TTN: variants seen among roughly 807,000 people sequenced by gnomAD.
TTN encodes titin.
A neutral mutation model predicts 3,223.0 loss-of-function variants in TTN; 1,525 were observed. The ratio of observed to expected loss-of-function variants is 0.47; its 90% CI spans 0.45 to 0.49. The LOEUF (loss-of-function observed/expected upper bound fraction) is 0.49, where lower values mean the gene tolerates loss of function less well. Among genes scored for constraint, TTN ranks in the 20% least tolerant of loss-of-function variants. The pLI, the probability that TTN is intolerant of heterozygous loss-of-function variation, is 0.00. For synonymous variants in TTN, 14,094 were observed against 15,161.0 expected (o/e 0.93, Z 5.17); for missense variants, 40,786 against 43,424.0 (o/e 0.94, Z 5.40).
At position 178,634,403 on chromosome 2, in the gene TTN, C is replaced by T. The variant is rs757988858; in HGVS notation, c.42378G>A (p.Val14126=). The T allele has an allele frequency of 1.9e-6, 3 of 1,610,906 alleles. No individual in the cohort carries two copies. Among genetic ancestry groups the T allele is most frequent in the Admixed American group, 3.4e-5 (2 of 59,378 alleles). Residue 14126 remains valine (V), a synonymous_variant, in exon 230 of 363, where the codon GTG becomes GTA. Transcript: ENST00000589042. This position sits in a 1 kb window ranked among gnomAD's most constrained non-coding sequence, Gnocchi z 4.6. ...ACCGAGCTGAGGTCTTCTTGCCCTC[C>T]ACCTCAGCAGTATAGACCCCTTCAT... is the stretch of plus-strand genomic sequence containing the variant. ...FDDEGVYTAE[V]EGKKTSARLF... is the part of the protein sequence containing the mutation.
At position 178,738,149 on chromosome 2, in the gene TTN, G is replaced by A. The variant is rs1287135223; in HGVS notation, c.14304C>T (p.Gly4768=). The change falls in exon 49 of 363, where the codon GGC becomes GGT. Residue 4768 remains glycine (G), a synonymous_variant. Transcript: ENST00000589042. ...CATTGGAAGCTTTGCATGTATACTC[G>A]CCGCAGTCAACCACCTGGGTTCTCA... ...EILRTQVVDC[G]EYTCKASNEY... 9 of 1,613,642 alleles carry A rather than the reference G, an allele frequency of 5.6e-6. No individual in the cohort carries two copies. The highest frequency in any genetic ancestry group is 1.3e-5 in the African/African-American group (1 of 74,898).
rs1227565945 is a variant in TTN at position 178,590,614 on chromosome 2, G to T, written c.61111C>A (p.Pro20371Thr). ...TTAGGATTAATAGGTGGTCCAGGTG[G>T]TTTGATGGGCCGGCAAGCTTTTATT... ...DPIKACRPIK[P>T]PGPPINPKLK... The change falls in exon 304 of 363, where the codon CCA (proline) becomes ACA (threonine). Residue 20371 changes from proline to threonine, a missense_variant. Coordinates refer to ENST00000589042, the MANE Select transcript of TTN (RefSeq NM_001267550.2). 1 of 1,612,892 alleles carries T rather than the reference G, an allele frequency of 6.2e-7. No individual in the cohort carries two copies. The highest frequency in any genetic ancestry group is 2.2e-5 in the East Asian group (1 of 44,764).
chr2:178,649,473 A>G, intron 212 of TTN, 81 bp downstream of exon 212: 1 of 1,434,580 alleles, frequency 7.0e-7, no homozygotes, highest in Non-Finnish European at 9.4e-7. Flanking sequence ...TTATGCAACA[A>G]CAATGAGGAC....
Position 178,604,149 on chromosome 2 carries a change from T to C in TTN, c.54538A>G (p.Lys18180Glu). Reference sequence around the variant, plus strand: ...GTCCAGCTCACTAGCATTGATCCTTTGGTGCGTGCCAAAACTTTTGGTTTT... The same window carrying C: ...GTCCAGCTCACTAGCATTGATCCTTCGGTGCGTGCCAAAACTTTTGGTTTT... Reference protein sequence around the residue: ...PGKPKVLARTKGSMLVSWTPP... With the variant: ...PGKPKVLARTEGSMLVSWTPP... The change falls in exon 282 of 363, where the codon AAA (lysine) becomes GAA (glutamate). Residue 18180 changes from lysine (K) to glutamate (E), a missense_variant. By Grantham distance (56) the Lys-to-Glu change is moderately conservative. Transcript: ENST00000589042. 1 of 1,612,398 alleles carries C rather than the reference T, an allele frequency of 6.2e-7. No individual in the cohort carries two copies. The highest frequency in any genetic ancestry group is 8.5e-7 in the Non-Finnish European group (1 of 1,178,964).
chr2:178,748,163 G>C (rs2084213823), intron 47 of TTN: 1 of 1,613,122 alleles, frequency 6.2e-7, no homozygotes, highest in Non-Finnish European at 8.5e-7. Flanking sequence ...AGAAAGATCA[G>C]TTTCTTCTAT....
chr2:178,721,325 T>C (rs532664074), intron 78 of TTN, 123 bp from the exon 79 acceptor site: 2 of 843,218 alleles, frequency 2.4e-6, no homozygotes, highest in Non-Finnish European at 3.2e-6. Flanking sequence ...GAATATACTT[T>C]CTGAGGATTT....
chr2:178,566,696 T>C lies in TTN; in HGVS notation c.79436A>G (p.Tyr26479Cys). The change falls in exon 326 of 363, where the codon TAT (tyrosine) becomes TGT (cysteine). Residue 26479 changes from tyrosine to cysteine, a missense_variant. Coordinates refer to ENST00000589042, the MANE Select transcript of TTN (RefSeq NM_001267550.2). Reference protein sequence around the residue: ...VGEPSPATVYYKACDPVFKPG... With the variant: ...VGEPSPATVYCKACDPVFKPG... Reference sequence around the variant, plus strand: ...TTTGAACACAGGATCACAGGCTTTATAATAAACTGTAGCTGGACTTGGTTC... The same window carrying C: ...TTTGAACACAGGATCACAGGCTTTACAATAAACTGTAGCTGGACTTGGTTC... 6.2e-7 allele frequency: 1 copy of C among 1,613,422 alleles called. No homozygotes were observed. The highest frequency in any genetic ancestry group is 8.5e-7 in the Non-Finnish European group (1 of 1,179,684).
At chr2:178,775,246 T>G in intron 28 of TTN, 44 bp from the exon 29 acceptor site, 1 of 1,612,842 alleles carries the variant, frequency 6.2e-7, no homozygotes, top group South Asian at 1.1e-5. Context: ...CACATTATAT[T>G]AAATTAAATT....
Position 178,546,054 on chromosome 2 carries a change from C to A in TTN, c.95182G>T (p.Ala31728Ser), listed in dbSNP as rs1360534996. Residue 31728 changes from alanine to serine, a missense_variant, in exon 343 of 363, where the codon GCC becomes TCC. Transcript: ENST00000589042. ...CCGTCTTCCTGCGGAAGGCTCCAGG[C>A]TAAAGTGCACTTCTCCTGTGTTACT... The part of the protein sequence containing the change: ...SRVTQEKCTL[A>S]WSLPQEDGGA... 6.2e-7 allele frequency: 1 copy of A among 1,613,538 alleles called. No homozygotes were observed. Among genetic ancestry groups the A allele is most frequent in the Non-Finnish European group, 8.5e-7 (1 of 1,179,666 alleles).
chr2:178,772,224 T>C (rs369519830), intron 33 of TTN, among the ~76,000 whole-genome samples: 8 of 152,204 alleles, frequency 5.3e-5, no homozygotes, highest in African/African-American at 1.9e-4. Flanking sequence ...ATGCTGAATC[T>C]GAAATTTTGT....
At chr2:178,690,804 C>T (rs1055734449) in intron 121 of TTN, among the ~76,000 whole-genome samples, 3 of 151,876 alleles carry the variant, frequency 2.0e-5, no homozygotes, top group East Asian at 1.9e-4. Flanking sequence ...TATATATATA[C>T]GTGCTATTAT....
intron 69 of TTN, chr2:178,726,273 A>T: frequency 2.4e-6 from 1 of 411,908 alleles, no homozygotes; most frequent in Non-Finnish European, 4.2e-6. Flanking sequence ...GTTACTGAAC[A>T]GTTCAACATT....
Position 178,559,822 on chromosome 2 carries a change from G to T in TTN, c.86310C>A (p.Ala28770=). The T allele has an allele frequency of 6.2e-7, 1 of 1,610,524 alleles. No homozygotes were observed. The highest frequency in any genetic ancestry group is 1.3e-5 in the African/African-American group (1 of 75,006). ...MRKTLIVKAG[A]SFTMTVPFRG... is the part of the protein sequence containing the mutation. ...GGAAAGGCACAGTCATGGTAAATGA[G>T]GCACCAGCCTTGACAATCAAGGTCT... The change falls in exon 326 of 363, where the codon GCC becomes GCA. Residue 28770 remains alanine, a synonymous_variant. Transcript: ENST00000589042.
At chr2:178,541,737 T>C (rs1464851662) in intron 349 of TTN, 153 bp from the exon 350 acceptor site, 3 of 502,612 alleles carry the variant, frequency 6.0e-6, no homozygotes, top group Non-Finnish European at 9.3e-6. Context: ...TTGTACTATT[T>C]GTAAATTTTA....
At chr2:178,755,697 G>A (rs1379102264) in intron 46 of TTN, among the ~76,000 whole-genome samples, 1 of 152,118 alleles carries the variant, frequency 6.6e-6, no homozygotes, top group Non-Finnish European at 1.5e-5. Flanking sequence ...GGCTGCCTCG[G>A]CCTCCCAAAG....
At position 178,610,197 on chromosome 2, in the gene TTN, T is replaced by C; in HGVS notation, c.51329A>G (p.Asp17110Gly). Residue 17110 changes from aspartate (D) to glycine (G), a missense_variant, in exon 271 of 363, where the codon GAT (aspartate) becomes GGT (glycine). Physicochemically the swap from Asp to Gly is moderately conservative, Grantham distance 94. Coordinates refer to ENST00000589042, the MANE Select transcript of TTN (RefSeq NM_001267550.2). ...GENKLSWTVK[D>G]LIPNGEYFFR... Reference sequence around the variant, plus strand: ...GAAGTATTCACCATTTGGTATGAGATCCTTCACAGTCCATGACAGTTTGTT... The same window carrying C: ...GAAGTATTCACCATTTGGTATGAGACCCTTCACAGTCCATGACAGTTTGTT... The C allele has an allele frequency of 6.2e-7, 1 of 1,613,024 alleles. No individual in the cohort carries two copies. Among genetic ancestry groups the C allele is most frequent in the Non-Finnish European group, 8.5e-7 (1 of 1,179,296 alleles).
At position 178,609,194 on chromosome 2, in the gene TTN, T is replaced by G; in HGVS notation, c.52102+14A>C. On this transcript the variant is annotated intron_variant, in intron 273 of 362. Transcript: ENST00000589042. Reference sequence around the variant, plus strand: ...AACCTTTTTCCATTGGAAAGTGTAGTTTTAATGACTCACCTAACACACTGA... The same window carrying G: ...AACCTTTTTCCATTGGAAAGTGTAGGTTTAATGACTCACCTAACACACTGA... The G allele has an allele frequency of 6.7e-7, 1 of 1,488,062 alleles. No individual in the cohort carries two copies. Among genetic ancestry groups the G allele is most frequent in the Non-Finnish European group, 8.9e-7 (1 of 1,124,732 alleles). 92.2% of individuals were successfully genotyped at this position (1,488,062 alleles called of 1,614,324 possible).
At position 178,720,998 on chromosome 2, in the gene TTN, T is replaced by G; in HGVS notation, c.23021A>C (p.Glu7674Ala). 6.2e-7 allele frequency: 1 copy of G among 1,612,926 alleles called. No individual in the cohort carries two copies. Among genetic ancestry groups the G allele is most frequent in the South Asian group, 1.1e-5 (1 of 91,010 alleles). The change falls in exon 79 of 363, where the codon GAA (glutamate) becomes GCA (alanine). Residue 7674 changes from glutamate to alanine, a missense_variant. Coordinates refer to ENST00000589042, the MANE Select transcript of TTN (RefSeq NM_001267550.2). Reference protein sequence around the residue: ...ALLTINEASAEDSGDYICEAH... With the variant: ...ALLTINEASAADSGDYICEAH... ...CTCACAAATGTAGTCCCCGCTGTCT[T>G]CAGCACTAGCTTCATTGATCGTAAG...
intron 304 of TTN, 49 bp downstream of exon 304, chr2:178,588,489 C>T: frequency 4.7e-6 from 7 of 1,477,274 alleles, no homozygotes; most frequent in Non-Finnish European, 5.4e-6. Context: ...TACTTCTGTG[C>T]TTGAGATTAA....
Sources: gnomAD v4.1 joint callset for allele counts (sites outside exome capture counted in the v4.1 genomes callset) on GRCh38, gnomAD v4.1.1 for gene constraint, Gnocchi (gnomAD v3.1) non-coding constraint, MANE v1.5 for transcripts, NCBI Gene and HGNC (gene_info 2026-07-23, HGNC 2026-07-21) for gene names.